Variants in GPR15LG observed in about 807,000 individuals in gnomAD.
GPR15LG encodes protein GPR15LG.
chr10:84,176,784 A>G, the GPR15LG span, among the ~76,000 whole-genome samples: 1 of 152,164 alleles, frequency 6.6e-6, no homozygotes, highest in African/African-American at 2.4e-5. Context: ...AAAAAGCAGG[A>G]TGCAATTAGA....
At chr10:84,182,184 A>G in the GPR15LG span, among the ~76,000 whole-genome samples, 1 of 152,216 alleles carries the variant, frequency 6.6e-6, no homozygotes, top group Non-Finnish European at 1.5e-5. Flanking sequence ...AGCAACGATG[A>G]TACCAGGATG....
chr10:84,175,699 T>A, the GPR15LG span, among the ~76,000 whole-genome samples: 1 of 152,224 alleles, frequency 6.6e-6, no homozygotes, highest in South Asian at 2.1e-4. Context: ...AGAGACGAGG[T>A]CTCTCTAAGT....
the GPR15LG span, among the ~76,000 whole-genome samples, chr10:84,181,910 G>T: frequency 6.6e-6 from 1 of 152,166 alleles, no homozygotes; most frequent in Non-Finnish European, 1.5e-5. Context: ...TTCTTTCTAC[G>T]CATCCTGGGG....
At chr10:84,182,186 A>G in the GPR15LG span, among the ~76,000 whole-genome samples, 2 of 152,224 alleles carry the variant, frequency 1.3e-5, no homozygotes, top group Admixed American at 1.3e-4. Flanking sequence ...CAACGATGAT[A>G]CCAGGATGGA....
chr10:84,177,731 G>A, the GPR15LG span, among the ~76,000 whole-genome samples: 1 of 152,090 alleles, frequency 6.6e-6, no homozygotes, highest in East Asian at 1.9e-4. Context: ...CCAGTGTGAG[G>A]TGCCAGCCCA....
At chr10:84,177,502 C>T in the GPR15LG span, among the ~76,000 whole-genome samples, 1 of 152,228 alleles carries the variant, frequency 6.6e-6, no homozygotes, top group Non-Finnish European at 1.5e-5. Context: ...GGCCATGGCC[C>T]ATGGGGTCCA....
At chr10:84,180,814 C>T in the GPR15LG span, among the ~76,000 whole-genome samples, 11 of 152,322 alleles carry the variant, frequency 7.2e-5, no homozygotes, top group South Asian at 4.1e-4. Context: ...ACTGAGTGAA[C>T]GAGACTCCGT....
the GPR15LG span, among the ~76,000 whole-genome samples, chr10:84,174,766 AG>A: frequency 1.3e-5 from 2 of 152,194 alleles, no homozygotes; most frequent in South Asian, 4.1e-4. Flanking sequence ...CTGGGATTAC[AG>A]GCGTGAGCCA....
chr10:84,178,843 G>C, the GPR15LG span, among the ~76,000 whole-genome samples: 1 of 152,158 alleles, frequency 6.6e-6, no homozygotes, highest in South Asian at 2.1e-4. Context: ...GAACAACTTA[G>C]AACAAGAAGA....
At chr10:84,179,640 TC>T in the GPR15LG span, among the ~76,000 whole-genome samples, 1 of 152,174 alleles carries the variant, frequency 6.6e-6, no homozygotes. Context: ...TAGAGGGTGT[TC>T]CTGAGCCAAC....
At chr10:84,178,774 T>G in the GPR15LG span, among the ~76,000 whole-genome samples, 1 of 152,262 alleles carries the variant, frequency 6.6e-6, no homozygotes, top group Non-Finnish European at 1.5e-5. Flanking sequence ...GTGGCTTCTG[T>G]GCTGAGACTG....
At chr10:84,173,833 G>T in the GPR15LG span, 1 of 1,600,964 alleles carries the variant, frequency 6.2e-7, no homozygotes, top group African/African-American at 1.3e-5. Flanking sequence ...CCCAGGACGT[G>T]AAAATCTGCC....
chr10:84,184,859 G>A, the GPR15LG span: 13 of 1,557,024 alleles, frequency 8.3e-6, no homozygotes, highest in South Asian at 1.5e-4. Context: ...AGCCTTCACA[G>A]CAGTGAGCTG....
the GPR15LG span, among the ~76,000 whole-genome samples, chr10:84,177,843 C>CA: frequency 6.6e-6 from 1 of 152,176 alleles, no homozygotes; most frequent in African/African-American, 2.4e-5. Context: ...AGGCGAGCCC[C>CA]AAGAGCTCAC....
At chr10:84,175,796 A>G in the GPR15LG span, among the ~76,000 whole-genome samples, 1,088 of 152,310 alleles carry the variant, frequency 7.1e-3, 11 homozygotes, top group African/African-American at 0.021. Flanking sequence ...ATGAGCCACC[A>G]CACCTGGCCT....
the GPR15LG span, among the ~76,000 whole-genome samples, chr10:84,176,723 C>G: frequency 4.9e-4 from 75 of 152,170 alleles, no homozygotes; most frequent in Non-Finnish European, 9.1e-4. Context: ...TGACTCCCCC[C>G]CAAAAGTCAA....
chr10:84,176,578 C>T, the GPR15LG span: 5 of 1,607,394 alleles, frequency 3.1e-6, no homozygotes, highest in African/African-American at 5.3e-5. Flanking sequence ...AGGTAAGTAC[C>T]CCCACCTCGT....
chr10:84,173,933 C>T, the GPR15LG span: 1 of 1,598,758 alleles, frequency 6.3e-7, no homozygotes, highest in South Asian at 1.1e-5. Flanking sequence ...TAGGGCAGCC[C>T]CCAGGGTGCA....
chr10:84,178,800 G>C, the GPR15LG span, among the ~76,000 whole-genome samples: 2 of 152,180 alleles, frequency 1.3e-5, no homozygotes, highest in African/African-American at 4.8e-5. Context: ...CTTTCTGTGT[G>C]TATATTTTTA....
Sources: gnomAD v4.1 joint callset for allele counts (sites outside exome capture counted in the v4.1 genomes callset) on GRCh38, gnomAD v4.1.1 for gene constraint, MANE v1.5 for transcripts, NCBI Gene and HGNC (gene_info 2026-07-23, HGNC 2026-07-21) for gene names.